The following ATP4A variants were observed in gnomAD, a reference collection of about 807,000 sequenced individuals.
ATP4A encodes the protein potassium-transporting ATPase alpha chain 1.
ATP4A carries 73 observed loss-of-function variants against 112.1 expected under a neutral mutation model. The observed-to-expected ratio is 0.65, with a 90% CI of 0.54 to 0.79. The LOEUF is 0.79. Ranked by LOEUF, ATP4A falls within the 30% of genes least tolerant of loss-of-function variation. The pLI is 0.00. For synonymous variants in ATP4A, 588 were observed against 588.9 expected (o/e 1.00, Z 0.02); for missense variants, 1,081 against 1,425.9 (o/e 0.76, Z 3.90).
At position 35,550,729 on chromosome 19, in the gene ATP4A, A is replaced by G. The variant is rs1044505486; in HGVS notation, c.3080-86T>C. Reference sequence around the variant, plus strand: ...GGCTCAGAGGTCAGTGCTGGTTGCTATGGAGGGTCAAGGGCTTAGAGGCCA... The same window carrying G: ...GGCTCAGAGGTCAGTGCTGGTTGCTGTGGAGGGTCAAGGGCTTAGAGGCCA... On this transcript the variant is annotated intron_variant, in intron 21 of 21. Transcript: ENST00000262623. The surrounding 1 kb of genome is among the most constrained non-coding windows in gnomAD (Gnocchi z 4.1). The G allele has an allele frequency of 1.2e-6, 2 of 1,608,886 alleles. No homozygotes were observed. The highest frequency in any genetic ancestry group is 1.7e-6 in the Non-Finnish European group (2 of 1,175,624).
chr19:35,557,189 T>C lies in ATP4A; in HGVS notation c.1694-101A>G. On this transcript the variant is annotated intron_variant, in intron 11 of 21. Transcript: ENST00000262623. This position sits in a 1 kb window ranked among gnomAD's most constrained non-coding sequence, Gnocchi z 4.4. The stretch of plus-strand genomic sequence containing the variant: ...AACCAGGCCCCTTGCACCAAACACC[T>C]ATGGATGCCTGACCTTGTGCTGACC... 7.4e-7 allele frequency: 1 copy of C among 1,348,238 alleles called. No homozygotes were observed. Among genetic ancestry groups the C allele is most frequent in the South Asian group, 1.2e-5 (1 of 80,290 alleles). 83.5% of individuals were successfully genotyped at this position (1,348,238 alleles called of 1,614,324 possible).
intron 16 of ATP4A, among the ~76,000 whole-genome samples, chr19:35,554,385 G>A (rs1177665980): frequency 6.6e-6 from 1 of 152,104 alleles, no homozygotes; most frequent in Non-Finnish European, 1.5e-5. Flanking sequence ...ACGGGTGATA[G>A]TAACAAAACT....
chr19:35,553,540 A>G (rs1331276717), intron 17 of ATP4A, among the ~76,000 whole-genome samples, 166 bp downstream of exon 17: 1 of 152,224 alleles, frequency 6.6e-6, no homozygotes, highest in East Asian at 1.9e-4. Context: ...GCAGAACCAG[A>G]GAGACTGTCA....
chr19:35,554,966 G>A lies in ATP4A; in HGVS notation c.2437C>T (p.Leu813Phe). Residue 813 changes from leucine (L) to phenylalanine (F), a missense_variant, in exon 16 of 22, where the codon CTC becomes TTC. Physicochemically the swap from Leu to Phe is conservative, Grantham distance 22. This residue lies in a region of ATP4A where 219 missense variants were observed against 320.9 expected (regional missense o/e 0.68). Coordinates refer to ENST00000262623, the MANE Select transcript of ATP4A (RefSeq NM_000704.3). ...IYITVSVPLP[L>F]GCITILFIEL... Reference sequence around the variant, plus strand: ...ATGAAGAGGATGGTGATGCACCCGAGGGGCAGGGGCACGCTGACGGTGATG... The same window carrying A: ...ATGAAGAGGATGGTGATGCACCCGAAGGGCAGGGGCACGCTGACGGTGATG... 2 of 1,614,192 alleles carry A rather than the reference G, an allele frequency of 1.2e-6. No individual in the cohort carries two copies. The highest frequency in any genetic ancestry group is 1.7e-6 in the Non-Finnish European group (2 of 1,180,034).
rs201736497 is a variant in ATP4A at position 35,553,124 on chromosome 19, G to A, written c.2664C>T (p.Gly888=). 2.0e-5 allele frequency: 33 copies of A among 1,610,232 alleles called. No individual in the cohort carries two copies. The East Asian group carries it at 7.4e-4, about 36-fold the overall frequency. ...GCCCCACGCACAGCAGTGGGAACCA[G>A]CCCTCCTGGGCCATTGCCGTGAAGT... ...TDYFTAMAQE[G]WFPLLCVGLR... Residue 888 remains glycine, a synonymous_variant, in exon 18 of 22, where the codon GGC becomes GGT. Coordinates refer to ENST00000262623, the MANE Select transcript of ATP4A (RefSeq NM_000704.3).
In ATP4A at chr19:35,550,235, G is replaced by T; in HGVS notation, c.*380C>A. The T allele has an allele frequency of 3.5e-6, 1 of 288,764 alleles. No individual in the cohort carries two copies. Among genetic ancestry groups the T allele is most frequent in the South Asian group, 4.1e-5 (1 of 24,308 alleles). 17.9% of individuals were successfully genotyped at this position (288,764 alleles called of 1,614,324 possible). On this transcript the variant is annotated 3_prime_UTR_variant, in exon 22 of 22. Coordinates refer to ENST00000262623, the MANE Select transcript of ATP4A (RefSeq NM_000704.3). This position sits in a 1 kb window ranked among gnomAD's most constrained non-coding sequence, Gnocchi z 4.1. Reference sequence around the variant, plus strand: ...GAGCTGGTTTTATTACCATCGCCCAGGACACAAGCGTGTCTTTAACGAAGG... The same window carrying T: ...GAGCTGGTTTTATTACCATCGCCCATGACACAAGCGTGTCTTTAACGAAGG...
In ATP4A at chr19:35,555,269, G is replaced by A. The variant is rs146535206; in HGVS notation, c.2223C>T (p.Ile741=). 211 of 1,614,056 alleles carry A rather than the reference G, an allele frequency of 1.3e-4. No homozygotes were observed. Among genetic ancestry groups the A allele is most frequent in the Middle Eastern group, 6.6e-4 (4 of 6,084 alleles). Residue 741 remains isoleucine (I), a synonymous_variant, in exon 15 of 22, where the codon ATC becomes ATT. Transcript: ENST00000262623. The surrounding 1 kb of genome is among the most constrained non-coding windows in gnomAD (Gnocchi z 6.6). ...AGCCAGCGATGCCCATGGCTACTCC[G>A]ATGTCTGCCTTCTTCAGAGCTGGGG... ...NDSPALKKAD[I]GVAMGIAGSD...
Position 35,551,258 on chromosome 19 carries a change from C to G in ATP4A, c.2886-147G>C, listed in dbSNP as rs1466082420. The G allele has an allele frequency of 8.2e-7, 1 of 1,213,672 alleles. No homozygotes were observed. The highest frequency in any genetic ancestry group is 1.2e-6 in the Non-Finnish European group (1 of 860,530). 75.2% of individuals were successfully genotyped at this position (1,213,672 alleles called of 1,614,324 possible). A position where few individuals can be genotyped will look rare whatever the true frequency, so the allele number is the denominator to read the frequency against. Reference sequence around the variant, plus strand: ...CTGGAGTGGCCCGGGCCTCTCAGCACCACCCCTTTAGTGAAATGTGGAGGG... The same window carrying G: ...CTGGAGTGGCCCGGGCCTCTCAGCAGCACCCCTTTAGTGAAATGTGGAGGG... On this transcript the variant is annotated intron_variant, in intron 19 of 21. Transcript: ENST00000262623. This position sits in a 1 kb window ranked among gnomAD's most constrained non-coding sequence, Gnocchi z 5.2.
chr19:35,558,553 C>T lies in ATP4A; in HGVS notation c.1365+24G>A, dbSNP rs2071647082. On this transcript the variant is annotated intron_variant, in intron 9 of 21. Transcript: ENST00000262623. This position sits in a 1 kb window ranked among gnomAD's most constrained non-coding sequence, Gnocchi z 5.1. ...CCGGCTACACCAGCCTCCCGGGATT[C>T]CCTGGAGGCCCCCTGGCTCTCACCT... The T allele has an allele frequency of 6.3e-7, 1 of 1,592,812 alleles. No individual in the cohort carries two copies. The highest frequency in any genetic ancestry group is 8.5e-7 in the Non-Finnish European group (1 of 1,170,480).
Position 35,555,372 on chromosome 19 carries a change from G to A in ATP4A, c.2158-38C>T, listed in dbSNP as rs2071624713. 3.7e-6 allele frequency: 6 copies of A among 1,600,162 alleles called. No homozygotes were observed. In the South Asian group the frequency reaches 5.6e-5, roughly 15 times the overall value. On this transcript the variant is annotated intron_variant, in intron 14 of 21. Transcript: ENST00000262623. The surrounding 1 kb of genome is among the most constrained non-coding windows in gnomAD (Gnocchi z 6.6). ...GGTGCAGGTGGTGGGTGGGTGGTCA[G>A]TGAGAGGCCGGTCCAAGACCAGCCC...
chr19:35,554,477 C>T (rs763469869), intron 16 of ATP4A, among the ~76,000 whole-genome samples: 6 of 152,074 alleles, frequency 3.9e-5, no homozygotes, highest in Non-Finnish European at 8.8e-5. Flanking sequence ...TAAATGTTAC[C>T]GAATAAATAC....
rs367950166 is a variant in ATP4A at position 35,550,609 on chromosome 19, G to A, written c.*6C>T. The A allele has an allele frequency of 8.8e-5, 142 of 1,613,796 alleles. No individual in the cohort carries two copies. Among genetic ancestry groups the A allele is most frequent in the Middle Eastern group, 6.6e-4 (4 of 6,080 alleles). On this transcript the variant is annotated 3_prime_UTR_variant, in exon 22 of 22. Coordinates refer to ENST00000262623, the MANE Select transcript of ATP4A (RefSeq NM_000704.3). The surrounding 1 kb of genome is among the most constrained non-coding windows in gnomAD (Gnocchi z 4.1). ...GTTGCAGGGATGCTTGAAGGCAGTC[G>A]TCCCTCTAATAGTAGAGTTCCTGGT...
chr19:35,562,728 C>T, intron 3 of ATP4A, 90 bp from the exon 4 acceptor site: 1 of 1,350,068 alleles, frequency 7.4e-7, no homozygotes, highest in East Asian at 2.5e-5. Context: ...TTTCCCTTCT[C>T]CAGCTTGGTC....
chr19:35,559,754 A>C lies in ATP4A; in HGVS notation c.1056+51T>G, dbSNP rs776269865. On this transcript the variant is annotated intron_variant, in intron 7 of 21. Transcript: ENST00000262623. This position sits in a 1 kb window ranked among gnomAD's most constrained non-coding sequence, Gnocchi z 4.1. ...GGGGGAAATGTGGAGGAAAGAACAG[A>C]TGGTTGAGCAGGCCCCTCAGCTCCC... is the stretch of plus-strand genomic sequence containing the variant. The C allele has an allele frequency of 1.3e-6, 2 of 1,593,582 alleles. No individual in the cohort carries two copies. The highest frequency in any genetic ancestry group is 1.7e-6 in the Non-Finnish European group (2 of 1,168,824).
intron 18 of ATP4A, among the ~76,000 whole-genome samples, chr19:35,552,519 A>T (rs1212605470): frequency 3.9e-5 from 6 of 152,220 alleles, no homozygotes; most frequent in Admixed American, 2.6e-4. Flanking sequence ...ACAGAGAGGC[A>T]AAGCAACCTG....
chr19:35,562,032 T>C (rs918939796), intron 4 of ATP4A, among the ~76,000 whole-genome samples: 7 of 152,084 alleles, frequency 4.6e-5, no homozygotes, highest in Admixed American at 3.9e-4. Flanking sequence ...ATTTTTGTAA[T>C]TTTAGTAGAG....
Position 35,557,933 on chromosome 19 carries a change from G to T in ATP4A, c.1501-86C>A. ...GGGAACGGGGCGGGGCTGAGGAGAG[G>T]GGCGGGGCCGAGAGCTCGGTGCGGG... On this transcript the variant is annotated intron_variant, in intron 10 of 21. Coordinates refer to ENST00000262623, the MANE Select transcript of ATP4A (RefSeq NM_000704.3). This position sits in a 1 kb window ranked among gnomAD's most constrained non-coding sequence, Gnocchi z 4.4. The T allele has an allele frequency of 1.0e-6, 1 of 956,278 alleles. No individual in the cohort carries two copies. Among genetic ancestry groups the T allele is most frequent in the Non-Finnish European group, 1.5e-6 (1 of 676,014 alleles). The allele number at this position is 956,278 out of a possible 1,614,324, so 59.2% of individuals were successfully genotyped here. A position where few individuals can be genotyped will look rare whatever the true frequency, so the allele number is the denominator to read the frequency against.
chr19:35,556,267 C>T (rs912228799), intron 12 of ATP4A, among the ~76,000 whole-genome samples: 1 of 152,084 alleles, frequency 6.6e-6, no homozygotes, highest in Non-Finnish European at 1.5e-5. Context: ...AGGGAGGACA[C>T]CATAACTGCA....
chr19:35,562,995 TC>T (rs1329321920), intron 3 of ATP4A, among the ~76,000 whole-genome samples: 2 of 150,606 alleles, frequency 1.3e-5, no homozygotes, highest in African/African-American at 4.9e-5. Context: ...TCTCCCTCTC[TC>T]CATCTCCCTC....
Sources: gnomAD v4.1 joint callset for allele counts (sites outside exome capture counted in the v4.1 genomes callset) on GRCh38, gnomAD v4.1.1 for gene constraint, gnomAD v4.1.1 regional missense constraint, Gnocchi (gnomAD v3.1) non-coding constraint, MANE v1.5 for transcripts, NCBI Gene and HGNC (gene_info 2026-07-23, HGNC 2026-07-21) for gene names.